PRR11: variants seen among roughly 807,000 people sequenced by gnomAD.
PRR11 encodes proline rich 11, also known as proline-rich protein 11.
Under a neutral mutation model 45.6 loss-of-function variants are expected in PRR11, and 30 were observed. The observed-to-expected ratio is 0.66, with a 90% CI of 0.49 to 0.89. PRR11 has a LOEUF of 0.89. Among genes scored for constraint, PRR11 ranks in the 40% least tolerant of loss-of-function variants. The pLI is 0.00. For missense variants in PRR11, 373 were observed against 424.8 expected (o/e 0.88, Z 1.07); for synonymous variants, 128 against 153.5 (o/e 0.83, Z 1.23).
intron 2 of PRR11, among the ~76,000 whole-genome samples, chr17:59,175,876 C>G (rs2046742232): frequency 6.6e-6 from 1 of 152,098 alleles, no homozygotes; most frequent in Admixed American, 6.6e-5. Context: ...CCACTGCACT[C>G]CAGCTTGGGG....
rs767070425 is a variant in PRR11, at chr17:59,195,457, C to T, written c.857+14C>T. 2.0e-6 allele frequency: 3 copies of T among 1,479,724 alleles called. No individual in the cohort carries two copies. The highest frequency in any genetic ancestry group is 2.3e-5 in the East Asian group (1 of 44,246). 91.7% of individuals were successfully genotyped at this position (1,479,724 alleles called of 1,614,324 possible). A position where few individuals can be genotyped will look rare whatever the true frequency, so the allele number is the denominator to read the frequency against. On this transcript the variant is annotated intron_variant, in intron 7 of 9. Transcript: ENST00000262293. ...AAACGTCTTAATGTAAGGAACTGCA[C>T]AGTACTATGCTCTACTACTACTTAA...
At chr17:59,181,810 C>T in intron 2 of PRR11, 12 of 1,528,266 alleles carry the variant, frequency 7.9e-6, no homozygotes, top group South Asian at 2.2e-5. Context: ...GACCCCGACC[C>T]CGACCCCAAC....
At position 59,168,798 on chromosome 17, in the gene PRR11, C is replaced by T. The variant is rs191278805; in HGVS notation, c.-5-950C>T. Among the ~76,000 whole-genome samples, 19 of 152,280 alleles carry T rather than the reference C, an allele frequency of 1.2e-4. No homozygotes were observed. The East Asian group carries it at 3.5e-3, about 28-fold the overall frequency. ...TATTTAATCTAGTGTCACACCACAGCGTATTAGAAAGAACATGGAAGACTT... is the reference window on the plus strand; with the variant it reads ...TATTTAATCTAGTGTCACACCACAGTGTATTAGAAAGAACATGGAAGACTT... On this transcript the variant is annotated intron_variant, in intron 1 of 9. Transcript: ENST00000262293.
chr17:59,180,904 C>T (rs921244851), intron 2 of PRR11, among the ~76,000 whole-genome samples: 2 of 151,498 alleles, frequency 1.3e-5, no homozygotes, highest in African/African-American at 4.9e-5. Flanking sequence ...TGAGTTCAAG[C>T]AATTCTCTTG....
At chr17:59,165,624 C>T (rs2046676031) in intron 1 of PRR11, among the ~76,000 whole-genome samples, 1 of 151,910 alleles carries the variant, frequency 6.6e-6, no homozygotes, top group Non-Finnish European at 1.5e-5. Flanking sequence ...GAAACCCCGT[C>T]TCTACTAAAA....
intron 2 of PRR11, among the ~76,000 whole-genome samples, chr17:59,172,329 T>C (rs191462605): frequency 1.3e-5 from 2 of 152,332 alleles, no homozygotes; most frequent in Admixed American, 1.3e-4. Context: ...GGTTTCTCAC[T>C]GTTCTCTATG....
chr17:59,170,973 C>T (rs1229793761), intron 2 of PRR11, among the ~76,000 whole-genome samples: 1 of 152,138 alleles, frequency 6.6e-6, no homozygotes, highest in Non-Finnish European at 1.5e-5. Flanking sequence ...TTTAAAGTAA[C>T]ACACGGCCAG....
At chr17:59,167,601 A>G (rs1284073916) in intron 1 of PRR11, among the ~76,000 whole-genome samples, 1 of 152,164 alleles carries the variant, frequency 6.6e-6, no homozygotes, top group Non-Finnish European at 1.5e-5. Flanking sequence ...GAGTATACTT[A>G]TATCTTGATT....
At chr17:59,175,997 C>T (rs766389722) in intron 2 of PRR11, among the ~76,000 whole-genome samples, 7 of 152,278 alleles carry the variant, frequency 4.6e-5, no homozygotes, top group African/African-American at 1.7e-4. Context: ...GTAATCAGGG[C>T]AGATGACGTA....
rs111893700 is a variant in PRR11 at position 59,193,662 on chromosome 17, A to G, written c.573A>G (p.Pro191=). ...ATTTTCCTCCTCCTCCTCCACCTCC[A>G]CCTCTGCCACCTCCTCCACCACCAC... is the stretch of plus-strand genomic sequence containing the variant. ...ASHFPPPPPP[P]PLPPPPPPLA... Residue 191 remains proline (P), a synonymous_variant, in exon 5 of 10, where the codon CCA becomes CCG. Transcript: ENST00000262293. 1.2e-6 allele frequency: 2 copies of G among 1,613,200 alleles called. No individual in the cohort carries two copies. The highest frequency in any genetic ancestry group is 1.1e-5 in the South Asian group (1 of 91,026).
In PRR11 at chr17:59,185,562, G is replaced by A. The variant is rs61754944; in HGVS notation, c.402G>A (p.Lys134=). 6.6e-4 allele frequency: 1,055 copies of A among 1,594,434 alleles called. 5 individuals are homozygous for A. In the Middle Eastern group the frequency reaches 0.02, roughly 30 times the overall value. The change falls in exon 4 of 10, where the codon AAG becomes AAA. Residue 134 remains lysine (K), a splice_region_variant and synonymous_variant. Transcript: ENST00000262293. ...SKLCKLQEAL[K]TISESSSCPS... is the part of the protein sequence containing the mutation. Reference sequence around the variant, plus strand: ...TATGCAAGCTCCAGGAAGCACTGAAGGTTGGTATTGTCAAATAAAAAGCAA... The same window carrying A: ...TATGCAAGCTCCAGGAAGCACTGAAAGTTGGTATTGTCAAATAAAAAGCAA...
intron 2 of PRR11, among the ~76,000 whole-genome samples, chr17:59,184,646 G>A (rs1022133504): frequency 2.0e-5 from 3 of 151,996 alleles, no homozygotes; most frequent in African/African-American, 4.8e-5. Context: ...CATTCATGAC[G>A]CTTTAAACCG....
At chr17:59,172,900 T>C (rs1244505327) in intron 2 of PRR11, among the ~76,000 whole-genome samples, 3 of 152,140 alleles carry the variant, frequency 2.0e-5, no homozygotes, top group Admixed American at 6.5e-5. Context: ...GGCTGAGGAG[T>C]GTGGGCACAT....
At chr17:59,197,353 G>T (rs924421096) in intron 7 of PRR11, among the ~76,000 whole-genome samples, 191 bp from the exon 8 acceptor site, 1 of 148,268 alleles carries the variant, frequency 6.7e-6, no homozygotes, top group African/African-American at 2.5e-5. Flanking sequence ...CCGGGTTCAC[G>T]CCATTCTTCT....
intron 7 of PRR11, among the ~76,000 whole-genome samples, 196 bp downstream of exon 7, chr17:59,195,639 A>G (rs555444927): frequency 6.6e-6 from 1 of 152,224 alleles, no homozygotes; most frequent in Non-Finnish European, 1.5e-5. Flanking sequence ...TAATCCTATC[A>G]CTGGAGATAG....
rs1010141623 is a variant in PRR11 at position 59,181,585 on chromosome 17, A to AT, written c.129-3465dup. 7 of 1,354,240 alleles carry AT rather than the reference A, an allele frequency of 5.2e-6. No homozygotes were observed. In the African/African-American group the frequency reaches 1.0e-4, roughly 20 times the overall value. 83.9% of individuals were successfully genotyped at this position (1,354,240 alleles called of 1,614,324 possible). The stretch of plus-strand genomic sequence containing the variant: ...TAGCCGTTGCTTCAGCTTCAGCTTC[A>AT]TTTTGAGCCCACACAGCATCTCCGC... On this transcript the variant is annotated intron_variant, in intron 2 of 9. Transcript: ENST00000262293.
intron 2 of PRR11, chr17:59,179,607 A>G (rs2046769564): frequency 9.9e-6 from 15 of 1,511,788 alleles, no homozygotes; most frequent in Middle Eastern, 2.5e-4. Flanking sequence ...CCTCTTTTTT[A>G]AAAGAACAGG....
intron 1 of PRR11, among the ~76,000 whole-genome samples, chr17:59,161,237 T>G (rs1209905683): frequency 6.6e-6 from 1 of 151,628 alleles, no homozygotes; most frequent in Admixed American, 6.6e-5. Context: ...CGAAACCCCA[T>G]CTCTACTAAA....
chr17:59,169,503 A>T (rs2046696551), intron 1 of PRR11, among the ~76,000 whole-genome samples: 1 of 152,138 alleles, frequency 6.6e-6, no homozygotes, highest in African/African-American at 2.4e-5. Context: ...CACAAGCAAA[A>T]CAAACTGAGA....
Sources: allele counts gnomAD v4.1 joint callset (sites outside exome capture counted in the v4.1 genomes callset), GRCh38; gene constraint gnomAD v4.1.1; transcripts MANE v1.5; gene names NCBI Gene and HGNC (gene_info 2026-07-23, HGNC 2026-07-21).